GLIS3: variants seen among roughly 807,000 people sequenced by gnomAD.
GLIS3 encodes the protein zinc finger protein GLIS3.
GLIS3 carries 53 observed loss-of-function variants against 78.6 expected under a neutral mutation model. The observed-to-expected ratio is 0.67, with a 90% CI of 0.54 to 0.85. The LOEUF (loss-of-function observed/expected upper bound fraction) is 0.85. GLIS3 is among the 40% of genes least tolerant of loss of function. The pLI is 0.00. For missense variants in GLIS3, 1,703 were observed against 1,231.1 expected, an observed-to-expected ratio of 1.38 and a Z score of -5.74; for synonymous variants, 684 against 509.9, an observed-to-expected ratio of 1.34 and a Z score of -4.60.
intron 2 of GLIS3, among the ~76,000 whole-genome samples, chr9:4,311,864 T>C (rs10974450): frequency 0.58 from 87,904 of 152,076 alleles, 26,950 homozygotes; most frequent in East Asian, 0.81. Context: ...CCCATTTTAC[T>C]TAAATGATCA....
intron 2 of GLIS3, among the ~76,000 whole-genome samples, chr9:4,345,476 C>T (rs1030201762): frequency 2.0e-5 from 3 of 152,142 alleles, no homozygotes; most frequent in African/African-American, 7.2e-5. Context: ...GTCATTTTTA[C>T]TAGAATGGTA....
chr9:4,095,055 C>G (rs1437957941), intron 4 of GLIS3, among the ~76,000 whole-genome samples: 1 of 152,164 alleles, frequency 6.6e-6, no homozygotes, highest in African/African-American at 2.4e-5. Flanking sequence ...CTCCTTCTAG[C>G]TATTTGAAAC....
At chr9:4,038,847 G>A (rs1381103962) in intron 4 of GLIS3, among the ~76,000 whole-genome samples, 1 of 152,122 alleles carries the variant, frequency 6.6e-6, no homozygotes, top group Non-Finnish European at 1.5e-5. Flanking sequence ...ATCCCTGTCT[G>A]TAGAAACATC....
At chr9:3,939,489 C>A (rs1379294852) in intron 4 of GLIS3, among the ~76,000 whole-genome samples, 1 of 152,066 alleles carries the variant, frequency 6.6e-6, no homozygotes, top group Non-Finnish European at 1.5e-5. Flanking sequence ...AATCAAAGAC[C>A]AAAGGGCTTA....
intron 2 of GLIS3, among the ~76,000 whole-genome samples, chr9:4,276,059 G>T (rs993065898): frequency 7.9e-5 from 12 of 151,812 alleles, no homozygotes; most frequent in Non-Finnish European, 1.2e-4. Context: ...GAGGCAGATG[G>T]ATCACTTTGA....
chr9:4,476,096 A>T, the GLIS3 span, among the ~76,000 whole-genome samples: 162 of 152,302 alleles, frequency 1.1e-3, no homozygotes, highest in African/African-American at 3.5e-3. Flanking sequence ...AATGTTTTAA[A>T]TAATTTAAAA....
the GLIS3 span, among the ~76,000 whole-genome samples, chr9:4,459,530 A>C: frequency 6.6e-6 from 1 of 152,232 alleles, no homozygotes; most frequent in Non-Finnish European, 1.5e-5. Context: ...TTGGGAGGCC[A>C]AGATGGGAGG....
intron 2 of GLIS3, among the ~76,000 whole-genome samples, chr9:4,172,607 T>C (rs1206672602): frequency 2.6e-5 from 4 of 152,196 alleles, no homozygotes; most frequent in East Asian, 3.8e-4. Flanking sequence ...GAATGAATGA[T>C]AAATGAATAA....
At chr9:4,350,864 C>T (rs1049272556), upstream of GLIS3, among the ~76,000 whole-genome samples, 24 of 152,146 alleles carry the variant, frequency 1.6e-4, no homozygotes, top group Non-Finnish European at 5.9e-5. Context: ...TCAGGACTTT[C>T]CCTAGTACCA....
intron 4 of GLIS3, among the ~76,000 whole-genome samples, chr9:4,067,788 C>A (rs965568833): frequency 3.2e-5 from 4 of 125,930 alleles, no homozygotes; most frequent in Non-Finnish European, 5.0e-5. Flanking sequence ...AAGAAAAAAA[C>A]CATGAACATT....
At chr9:4,335,779 T>C (rs61153789) in intron 2 of GLIS3, among the ~76,000 whole-genome samples, 5,831 of 152,256 alleles carry the variant, frequency 0.038, 286 homozygotes, top group East Asian at 0.23. Context: ...CCTGGGTCCC[T>C]TGCCCTACTC....
At chr9:4,210,828 G>C (rs1480488792) in intron 2 of GLIS3, among the ~76,000 whole-genome samples, 1 of 152,164 alleles carries the variant, frequency 6.6e-6, no homozygotes, top group Non-Finnish European at 1.5e-5. Flanking sequence ...GCCCACTTCT[G>C]GGCTTTCTCT....
chr9:3,974,217 C>A (rs1588357006), intron 4 of GLIS3, among the ~76,000 whole-genome samples: 1 of 151,964 alleles, frequency 6.6e-6, no homozygotes, highest in South Asian at 2.1e-4. Context: ...AGGTCAAGAA[C>A]TGAGTTTGAA....
At chr9:4,412,690 C>G in the GLIS3 span, among the ~76,000 whole-genome samples, 66 of 152,292 alleles carry the variant, frequency 4.3e-4, no homozygotes, top group East Asian at 0.012. Context: ...AACCCTTACC[C>G]CTTTCTTCCT....
At chr9:3,879,392 G>C in intron 8 of GLIS3, 35 bp downstream of exon 8, 1 of 1,607,320 alleles carries the variant, frequency 6.2e-7, no homozygotes, top group Non-Finnish European at 8.5e-7. Flanking sequence ...GTTTGGCGGC[G>C]ACACCTATTA....
In GLIS3 at chr9:3,877,107, G is replaced by A. The variant is rs531223132; in HGVS notation, c.2297+2320C>T. ...CTATAGATAAGGAGGTGCAGTGAAGGGAGGTTCCGATTGATCATTCCTGAG... is the reference window on the plus strand; with the variant it reads ...CTATAGATAAGGAGGTGCAGTGAAGAGAGGTTCCGATTGATCATTCCTGAG... On this transcript the variant is annotated intron_variant, in intron 8 of 10. Transcript: ENST00000381971. 2.0e-5 allele frequency among the ~76,000 whole-genome samples: 3 copies of A among 152,248 alleles called. No homozygotes were observed. The South Asian group carries it at 6.2e-4, about 32-fold the overall frequency.
chr9:4,438,589 G>C, the GLIS3 span, among the ~76,000 whole-genome samples: 1 of 152,146 alleles, frequency 6.6e-6, no homozygotes, highest in Non-Finnish European at 1.5e-5. Context: ...GACATGGTTT[G>C]GCTGTGTCCT....
intron 9 of GLIS3, among the ~76,000 whole-genome samples, chr9:3,836,169 C>T (rs868225229): frequency 6.6e-6 from 1 of 152,214 alleles, no homozygotes; most frequent in South Asian, 2.1e-4. Context: ...CCTGGCAGAG[C>T]AGATTTCCTG....
At chr9:3,964,343 T>C (rs1035372851) in intron 4 of GLIS3, among the ~76,000 whole-genome samples, 6 of 152,200 alleles carry the variant, frequency 3.9e-5, no homozygotes, top group African/African-American at 1.4e-4. Context: ...AAAAAATCTA[T>C]TACTGGGCGT....
Sources: gnomAD v4.1 joint callset for allele counts (sites outside exome capture counted in the v4.1 genomes callset) on GRCh38, gnomAD v4.1.1 for gene constraint, MANE v1.5 for transcripts, NCBI Gene and HGNC (gene_info 2026-07-23, HGNC 2026-07-21) for gene names.